Variants in C1orf159 observed in about 807,000 individuals in gnomAD.
The protein encoded by C1orf159 is uncharacterized protein C1orf159.
In C1orf159, 19 loss-of-function variants were observed where a neutral mutation model predicts 25.6. The observed-to-expected ratio is 0.74, with a 90% CI of 0.52 to 1.09. The LOEUF (loss-of-function observed/expected upper bound fraction) is 1.09. Among genes scored for constraint, C1orf159 ranks in the 50% least tolerant of loss-of-function variants. The pLI is 0.00. For missense variants in C1orf159, 274 were observed against 290.6 expected, an observed-to-expected ratio of 0.94 and a Z score of 0.42; for synonymous variants, 139 against 124.7, an observed-to-expected ratio of 1.12 and a Z score of -0.77.
At chr1:1,090,944 C>A (rs1464202991) in intron 3 of C1orf159, 1 of 1,550,404 alleles carries the variant, frequency 6.4e-7, no homozygotes. Context: ...AGGGTACCCT[C>A]AGCTTGTGTG....
chr1:1,110,466 C>CA lies in C1orf159; in HGVS notation c.-136+5593dup, dbSNP rs1646241622. Among the ~76,000 whole-genome samples the CA allele has an allele frequency of 6.6e-6, 1 of 151,942 alleles. No homozygotes were observed. The highest frequency in any genetic ancestry group is 2.1e-4 in the South Asian group (1 of 4,824). On this transcript the variant is annotated intron_variant, in intron 1 of 9. Transcript: ENST00000421241. This position sits in a 1 kb window ranked among gnomAD's most constrained non-coding sequence, Gnocchi z 4.8. ...TAAAGGACTTTCACAATCTGGTCATCAAAAAAATGGGCAAAAGACATCCTC... is the reference window on the plus strand; with the variant it reads ...TAAAGGACTTTCACAATCTGGTCATCAAAAAAAATGGGCAAAAGACATCCTC...
In C1orf159 at chr1:1,087,459, T is replaced by C; in HGVS notation, c.244+43A>G. On this transcript the variant is annotated intron_variant, in intron 5 of 9. Transcript: ENST00000421241. This position sits in a 1 kb window ranked among gnomAD's most constrained non-coding sequence, Gnocchi z 8.3. Reference sequence around the variant, plus strand: ...CAACTCCCACAGTGTCTCCCACAGCTGGAGCTGTGAGAAGGGAGCCGGGGG... The same window carrying C: ...CAACTCCCACAGTGTCTCCCACAGCCGGAGCTGTGAGAAGGGAGCCGGGGG... 1 of 1,501,390 alleles carries C rather than the reference T, an allele frequency of 6.7e-7. No individual in the cohort carries two copies. Among genetic ancestry groups the C allele is most frequent in the East Asian group, 2.5e-5 (1 of 40,400 alleles). The allele number at this position is 1,501,390 out of a possible 1,614,324, so 93.0% of individuals were successfully genotyped here. A position where few individuals can be genotyped will look rare whatever the true frequency, so the allele number is the denominator to read the frequency against.
At position 1,085,918 on chromosome 1, in the gene C1orf159, G is replaced by T; in HGVS notation, c.405C>A (p.Arg135=). ...LSVAGFFYLK[R]SSKLPRACYR... is the part of the protein sequence containing the mutation. ...AGCAGGCCCTGGGGAGTTTACTGGA[G>T]CGCTTGAGGTAGAAGAACCCAGCTA... The change falls in exon 7 of 10, where the codon CGC becomes CGA. Residue 135 remains arginine, a synonymous_variant. Coordinates refer to ENST00000421241, the MANE Select transcript of C1orf159 (RefSeq NM_017891.5). 6.2e-7 allele frequency: 1 copy of T among 1,613,458 alleles called. No homozygotes were observed. The highest frequency in any genetic ancestry group is 2.2e-5 in the East Asian group (1 of 44,878).
Position 1,087,093 on chromosome 1 carries a change from GC to G in C1orf159, c.310+45del. ...TCTGCACTGGCTCCGACGGCCCCCA[GC>G]CCCCAGGACACCGGCAGAGGTGGCT... On this transcript the variant is annotated intron_variant, in intron 6 of 9. Coordinates refer to ENST00000421241, the MANE Select transcript of C1orf159 (RefSeq NM_017891.5). The surrounding 1 kb of genome is among the most constrained non-coding windows in gnomAD (Gnocchi z 8.3). 1.3e-6 allele frequency: 2 copies of G among 1,573,790 alleles called. No individual in the cohort carries two copies.
chr1:1,082,872 G>A lies in C1orf159; in HGVS notation c.*21C>T. On this transcript the variant is annotated 3_prime_UTR_variant, in exon 10 of 10. Transcript: ENST00000421241. The stretch of plus-strand genomic sequence containing the variant: ...TCCGGGTCCCTGCCGCCAAGTGCGT[G>A]GCGTGGTCTCGGCCTCCAGGTCAGA... 6.4e-7 allele frequency: 1 copy of A among 1,564,582 alleles called. No individual in the cohort carries two copies. The highest frequency in any genetic ancestry group is 1.2e-5 in the South Asian group (1 of 85,374).
rs530164817 is a variant in C1orf159, at chr1:1,090,246, G to A, written c.148+107C>T. On this transcript the variant is annotated intron_variant, in intron 4 of 9. Transcript: ENST00000421241. ...CTGCCCCATCCACTCCCCAGGTCCC[G>A]CAGCACAGATGAGCACTGTCCTTGT... is the stretch of plus-strand genomic sequence containing the variant. The A allele has an allele frequency of 5.1e-4, 584 of 1,153,068 alleles. 8 individuals carry two copies. The Middle Eastern group carries it at 0.023, about 46-fold the overall frequency. The allele number at this position is 1,153,068 out of a possible 1,614,324, so 71.4% of individuals were successfully genotyped here.
At position 1,084,471 on chromosome 1, in the gene C1orf159, G is replaced by C; in HGVS notation, c.471+10C>G. On this transcript the variant is annotated intron_variant, in intron 8 of 9. Transcript: ENST00000421241. ...AGGGACGCTCAGCCCGGATGATGTG[G>C]GTTACTTACGGCTTCGCCAGGCTGC... 1 of 1,564,498 alleles carries C rather than the reference G, an allele frequency of 6.4e-7. No individual in the cohort carries two copies.
In C1orf159 at chr1:1,089,891, G is replaced by A. The variant is rs1013052128; in HGVS notation, c.148+462C>T. On this transcript the variant is annotated intron_variant, in intron 4 of 9. Coordinates refer to ENST00000421241, the MANE Select transcript of C1orf159 (RefSeq NM_017891.5). This position sits in a 1 kb window ranked among gnomAD's most constrained non-coding sequence, Gnocchi z 7.5. ...AACCTCTGATGAACAGGGCCTGCCC[G>A]TGGCACGCTGACACAGGCCGGCATC... Among the ~76,000 whole-genome samples the A allele has an allele frequency of 5.9e-5, 9 of 152,194 alleles. No homozygotes were observed. The highest frequency in any genetic ancestry group is 1.2e-4 in the Non-Finnish European group (8 of 68,038).
At chr1:1,099,711 G>C (rs1570323791) in intron 1 of C1orf159, among the ~76,000 whole-genome samples, 2 of 138,402 alleles carry the variant, frequency 1.4e-5, no homozygotes, top group Non-Finnish European at 3.1e-5. Context: ...ATTGGAGAGA[G>C]AGAGAGGTTA....
At chr1:1,114,156 C>T (rs1428275057) in intron 1 of C1orf159, among the ~76,000 whole-genome samples, 1 of 151,916 alleles carries the variant, frequency 6.6e-6, no homozygotes, top group African/African-American at 2.4e-5. Context: ...GCCTTCTGAT[C>T]CGCCCCCCTC....
At position 1,105,038 on chromosome 1, in the gene C1orf159, C is replaced by T. The variant is rs77147003; in HGVS notation, c.-136+11022G>A. 7.6e-3 allele frequency among the ~76,000 whole-genome samples: 1,157 copies of T among 152,298 alleles called. 12 individuals are homozygous for T. The highest frequency in any genetic ancestry group is 0.026 in the East Asian group (133 of 5,186). The stretch of plus-strand genomic sequence containing the variant: ...CACTAATTTCAACAATGCCCCTTAT[C>T]GCCCCACTTTAAATATGAGGAAAAG... On this transcript the variant is annotated intron_variant, in intron 1 of 9. Coordinates refer to ENST00000421241, the MANE Select transcript of C1orf159 (RefSeq NM_017891.5).
chr1:1,084,894 G>C (rs922387536), intron 7 of C1orf159, among the ~76,000 whole-genome samples: 1 of 152,080 alleles, frequency 6.6e-6, no homozygotes, highest in Non-Finnish European at 1.5e-5. Flanking sequence ...CCTCAGGCAC[G>C]AGGTGGCTTT....
chr1:1,090,374 C>A lies in C1orf159; in HGVS notation c.127G>T (p.Gly43Cys), dbSNP rs1645909285. The A allele has an allele frequency of 2.6e-6, 4 of 1,550,438 alleles. No individual in the cohort carries two copies. In the African/African-American group the frequency reaches 5.5e-5, roughly 21 times the overall value. The change falls in exon 4 of 10, where the codon GGC becomes TGC. Residue 43 changes from glycine (G) to cysteine (C), a missense_variant. Physicochemically the swap from Gly to Cys is radical, Grantham distance 159. Coordinates refer to ENST00000421241, the MANE Select transcript of C1orf159 (RefSeq NM_017891.5). ...DVVGVNASCP[G>C]ASLCGPGCYR... Reference sequence around the variant, plus strand: ...TTACCTGGACCACACAGACTTGCGCCTGGGCAGCTGGCGTTGACGCCCACC... The same window carrying A: ...TTACCTGGACCACACAGACTTGCGCATGGGCAGCTGGCGTTGACGCCCACC...
At chr1:1,096,387 C>T (rs777160222) in intron 1 of C1orf159, among the ~76,000 whole-genome samples, 1 of 152,060 alleles carries the variant, frequency 6.6e-6, no homozygotes, top group South Asian at 2.1e-4. Flanking sequence ...AGGCTGGTCT[C>T]GAACTCCTGG....
chr1:1,114,224 G>A (rs1268004943), intron 1 of C1orf159, among the ~76,000 whole-genome samples: 2 of 151,986 alleles, frequency 1.3e-5, no homozygotes, highest in East Asian at 3.9e-4. Flanking sequence ...GCACAGCCAG[G>A]GCCGCCTTCT....
rs551266371 is a variant in C1orf159, at chr1:1,105,018, A to T, written c.-136+11042T>A. Among the ~76,000 whole-genome samples the T allele has an allele frequency of 2.6e-5, 4 of 152,324 alleles. No homozygotes were observed. In the South Asian group the frequency reaches 8.3e-4, roughly 32 times the overall value. ...TTATACACACAAACTGATTTCACTA[A>T]TTTCAACAATGCCCCTTATCGCCCC... is the stretch of plus-strand genomic sequence containing the variant. On this transcript the variant is annotated intron_variant, in intron 1 of 9. Coordinates refer to ENST00000421241, the MANE Select transcript of C1orf159 (RefSeq NM_017891.5).
chr1:1,084,424 C>T (rs1645795968), intron 8 of C1orf159, 41 bp from the exon 9 acceptor site: 1 of 1,583,348 alleles, frequency 6.3e-7, no homozygotes, highest in South Asian at 1.1e-5. Context: ...CTCGGGATGG[C>T]CTGGCACAGG....
rs1208834326 is a variant in C1orf159, at chr1:1,089,764, C to T, written c.148+589G>A. On this transcript the variant is annotated intron_variant, in intron 4 of 9. Transcript: ENST00000421241. The surrounding 1 kb of genome is among the most constrained non-coding windows in gnomAD (Gnocchi z 7.5). ...AAGGAGTGGCCCTTGCACCTTCTCA[C>T]TCTGTCCTCCCCTCCCCTGGCTGCT... Among the ~76,000 whole-genome samples, 1 of 152,168 alleles carries T rather than the reference C, an allele frequency of 6.6e-6. No individual in the cohort carries two copies. The highest frequency in any genetic ancestry group is 1.5e-5 in the Non-Finnish European group (1 of 68,020).
intron 1 of C1orf159, chr1:1,106,053 A>T (rs954410823): frequency 1.3e-5 from 2 of 152,214 alleles, no homozygotes; most frequent in Non-Finnish European, 2.9e-5. Context: ...GGAACCACTT[A>T]AAAAACAACA....
Sources: allele counts gnomAD v4.1 joint callset (sites outside exome capture counted in the v4.1 genomes callset), GRCh38; gene constraint gnomAD v4.1.1; non-coding constraint Gnocchi (gnomAD v3.1); transcripts MANE v1.5; gene names NCBI Gene and HGNC (gene_info 2026-07-23, HGNC 2026-07-21).